The following SLC25A23 variants were observed in gnomAD, a reference collection of about 807,000 sequenced individuals.
SLC25A23 encodes mitochondrial adenyl nucleotide antiporter SLC25A23.
A neutral mutation model predicts 53.9 loss-of-function variants in SLC25A23; 32 were observed. The observed-to-expected ratio is 0.59, with a 90% CI of 0.45 to 0.80. The LOEUF (loss-of-function observed/expected upper bound fraction) is 0.80. SLC25A23 is among the 30% of genes least tolerant of loss of function. SLC25A23 has a pLI of 0.00. For synonymous variants in SLC25A23, 275 were observed against 264.5 expected (o/e 1.04, Z -0.38); for missense variants, 575 against 651.4 (o/e 0.88, Z 1.28).
At chr19:6,458,916 G>GT (rs1568381247) in intron 1 of SLC25A23, among the ~76,000 whole-genome samples, 2 of 152,226 alleles carry the variant, frequency 1.3e-5, no homozygotes, top group African/African-American at 4.8e-5. Flanking sequence ...CAAAGTGGAG[G>GT]TGGGGGCAGC....
At chr19:6,450,928 A>G (rs2092578464) in intron 8 of SLC25A23, among the ~76,000 whole-genome samples, 1 of 151,604 alleles carries the variant, frequency 6.6e-6, no homozygotes, top group African/African-American at 2.4e-5. Context: ...ACATACAAAA[A>G]TTAGCCAGGC....
Position 6,452,316 on chromosome 19 carries a change from T to C in SLC25A23, c.1067A>G (p.Tyr356Cys), listed in dbSNP as rs2092603947. The C allele has an allele frequency of 6.2e-7, 1 of 1,611,340 alleles. No individual in the cohort carries two copies. The highest frequency in any genetic ancestry group is 8.5e-7 in the Non-Finnish European group (1 of 1,178,816). Residue 356 changes from tyrosine to cysteine, a missense_variant, in exon 8 of 10, where the codon TAC (tyrosine) becomes TGC (cysteine). Transcript: ENST00000301454. ...IPYAGIDLAV[Y>C]ETLKNWWLQQ... ...AGGAACGCGCTGCCCACAGACCTCG[T>C]AGACGGCCAGGTCGATGCCCGCATA...
intron 9 of SLC25A23, among the ~76,000 whole-genome samples, 165 bp downstream of exon 9, chr19:6,443,986 T>C (rs2144809233): frequency 6.6e-6 from 1 of 152,204 alleles, no homozygotes; most frequent in South Asian, 2.1e-4. Flanking sequence ...AATCCTCAGC[T>C]CCATGAAAGT....
chr19:6,451,600 A>G (rs979036234), intron 8 of SLC25A23, among the ~76,000 whole-genome samples: 1 of 152,082 alleles, frequency 6.6e-6, no homozygotes, highest in African/African-American at 2.4e-5. Context: ...TGATCCCACT[A>G]GAAGGTAAAA....
intron 9 of SLC25A23, among the ~76,000 whole-genome samples, chr19:6,442,642 G>T (rs1424752433): frequency 6.6e-6 from 1 of 152,094 alleles, no homozygotes; most frequent in Non-Finnish European, 1.5e-5. Context: ...TCCGCCTCCC[G>T]GGTTCAAGCA....
At position 6,454,778 on chromosome 19, in the gene SLC25A23, C is replaced by A. The variant is rs919540990; in HGVS notation, c.484-61G>T. On this transcript the variant is annotated intron_variant, in intron 4 of 9. Transcript: ENST00000301454. This position sits in a 1 kb window ranked among gnomAD's most constrained non-coding sequence, Gnocchi z 4.3. The stretch of plus-strand genomic sequence containing the variant: ...TGGGGACAGGGAGATGTGACTCAGT[C>A]CTAAATAGGGGAGTCTCCTCTATGA... The A allele has an allele frequency of 1.3e-6, 2 of 1,579,572 alleles. No homozygotes were observed. The highest frequency in any genetic ancestry group is 1.7e-6 in the Non-Finnish European group (2 of 1,157,952).
rs891971583 is a variant in SLC25A23 at position 6,456,208 on chromosome 19, G to T, written c.483+212C>A. 4 of 1,093,072 alleles carry T rather than the reference G, an allele frequency of 3.7e-6. No individual in the cohort carries two copies. In the African/African-American group the frequency reaches 4.8e-5, roughly 13 times the overall value. The allele number at this position is 1,093,072 out of a possible 1,614,324, so 67.7% of individuals were successfully genotyped here. On this transcript the variant is annotated intron_variant, in intron 4 of 9. Coordinates refer to ENST00000301454, the MANE Select transcript of SLC25A23 (RefSeq NM_024103.3). Reference sequence around the variant, plus strand: ...CCCCGATGTAAGTCTCAAGGGCTGCGCTTCAATCAGACAGCAGAGATGTCC... The same window carrying T: ...CCCCGATGTAAGTCTCAAGGGCTGCTCTTCAATCAGACAGCAGAGATGTCC...
Position 6,443,784 on chromosome 19 carries a change from C to T in SLC25A23, c.1222+367G>A, listed in dbSNP as rs928436956. The stretch of plus-strand genomic sequence containing the variant: ...ATAATTCATAAAAGAAAAATACAGA[C>T]AAAAACAATAACCACTCTGGCCCTG... On this transcript the variant is annotated intron_variant, in intron 9 of 9. Coordinates refer to ENST00000301454, the MANE Select transcript of SLC25A23 (RefSeq NM_024103.3). 3.0e-5 allele frequency: 18 copies of T among 592,852 alleles called. 1 individual carries two copies. The South Asian group carries it at 3.2e-4, about 10-fold the overall frequency. 36.7% of individuals were successfully genotyped at this position (592,852 alleles called of 1,614,324 possible).
intron 4 of SLC25A23, among the ~76,000 whole-genome samples, chr19:6,455,704 C>T (rs1188206478): frequency 7.3e-6 from 1 of 136,154 alleles, no homozygotes; most frequent in Non-Finnish European, 1.5e-5. Context: ...CTCTGAAGAC[C>T]GTGTTTTTTT....
chr19:6,447,007 C>G (rs191710969), intron 8 of SLC25A23, among the ~76,000 whole-genome samples: 153 of 150,714 alleles, frequency 1.0e-3, no homozygotes, highest in African/African-American at 3.7e-3. Context: ...TTGCTGGGAA[C>G]AAGCAGAAAC....
At chr19:6,445,109 C>T (rs1289567926) in intron 8 of SLC25A23, among the ~76,000 whole-genome samples, 1 of 151,052 alleles carries the variant, frequency 6.6e-6, no homozygotes, top group Admixed American at 6.6e-5. Context: ...GGCACAAGGC[C>T]CCTTCTTTTT....
At chr19:6,436,507 G>A (rs1288534827), downstream of SLC25A23, 2 of 455,176 alleles carry the variant, frequency 4.4e-6, no homozygotes, top group Non-Finnish European at 8.8e-6. Context: ...GAGAGAGAGA[G>A]AGAGAGCATG....
downstream of SLC25A23, among the ~76,000 whole-genome samples, chr19:6,439,397 T>TCACACACACA (rs1030315290): frequency 8.6e-5 from 9 of 104,232 alleles, no homozygotes; most frequent in African/African-American, 2.8e-4. Context: ...TCTCTCTCTC[T>TCACACACACA]CTCACACACA....
In SLC25A23 at chr19:6,459,706, G is replaced by C; in HGVS notation, c.-78C>G. 8.5e-7 allele frequency: 1 copy of C among 1,183,104 alleles called. No homozygotes were observed. The highest frequency in any genetic ancestry group is 1.1e-6 in the Non-Finnish European group (1 of 943,964). The allele number at this position is 1,183,104 out of a possible 1,614,324, so 73.3% of individuals were successfully genotyped here. A position where few individuals can be genotyped will look rare whatever the true frequency, so the allele number is the denominator to read the frequency against. On this transcript the variant is annotated 5_prime_UTR_variant, in exon 1 of 10. Coordinates refer to ENST00000301454, the MANE Select transcript of SLC25A23 (RefSeq NM_024103.3). The surrounding 1 kb of genome is among the most constrained non-coding windows in gnomAD (Gnocchi z 4.6). ...CTTCGCGGCTCCCCCTCCCCCCCCG[G>C]GACCCCGCAGGGTCAGCTCCCGCGG...
rs2092735504 is a variant in SLC25A23 at position 6,459,687 on chromosome 19, G to C, written c.-59C>G. ...GCGGCGGCCTCAGTGGGGGCTTCGC[G>C]GCTCCCCCTCCCCCCCCGGGACCCC... On this transcript the variant is annotated 5_prime_UTR_variant, in exon 1 of 10. Transcript: ENST00000301454. This position sits in a 1 kb window ranked among gnomAD's most constrained non-coding sequence, Gnocchi z 4.6. 8.1e-7 allele frequency: 1 copy of C among 1,240,638 alleles called. No homozygotes were observed. Among genetic ancestry groups the C allele is most frequent in the Non-Finnish European group, 1.0e-6 (1 of 990,158 alleles). 76.9% of individuals were successfully genotyped at this position (1,240,638 alleles called of 1,614,324 possible).
intron 8 of SLC25A23, among the ~76,000 whole-genome samples, chr19:6,451,694 AT>A (rs2092594142): frequency 6.6e-6 from 1 of 152,138 alleles, no homozygotes; most frequent in South Asian, 2.1e-4. Flanking sequence ...GATGCTGGTG[AT>A]TAGGTGTGGT....
intron 4 of SLC25A23, chr19:6,456,147 C>A: frequency 1.4e-6 from 2 of 1,418,204 alleles, no homozygotes; most frequent in Non-Finnish European, 1.9e-6. Flanking sequence ...CTCTTTCTTC[C>A]CTGTACCCGC....
rs3890057 is a variant in SLC25A23 at position 6,458,349 on chromosome 19, G to A, written c.157-25C>T. 950 of 1,608,048 alleles carry A rather than the reference G, an allele frequency of 5.9e-4. 4 individuals are homozygous for A. In the African/African-American group the frequency reaches 0.011, roughly 18 times the overall value. On this transcript the variant is annotated intron_variant, in intron 1 of 9. Coordinates refer to ENST00000301454, the MANE Select transcript of SLC25A23 (RefSeq NM_024103.3). ...CCTGACAGAGGGAAAGGGGATAGAGGTGGCTCCAGGAACCTGCTCCTGATC... is the reference window on the plus strand; with the variant it reads ...CCTGACAGAGGGAAAGGGGATAGAGATGGCTCCAGGAACCTGCTCCTGATC...
downstream of SLC25A23, chr19:6,436,255 T>G: frequency 2.9e-6 from 1 of 339,860 alleles, no homozygotes; most frequent in Non-Finnish European, 6.1e-6. Flanking sequence ...AGTATAAGAG[T>G]CTAAGATTCA....
Sources: gnomAD v4.1 joint callset for allele counts (sites outside exome capture counted in the v4.1 genomes callset) on GRCh38, gnomAD v4.1.1 for gene constraint, Gnocchi (gnomAD v3.1) non-coding constraint, MANE v1.5 for transcripts, NCBI Gene and HGNC (gene_info 2026-07-23, HGNC 2026-07-21) for gene names.